Variants in FBXW11 observed in about 807,000 individuals in gnomAD.
FBXW11 encodes F-box and WD repeat domain containing 11, also known as F-box/WD repeat-containing protein 11.
In FBXW11, 19 loss-of-function variants were observed where a neutral mutation model predicts 77.6. The ratio of observed to expected loss-of-function variants is 0.24; its 90% confidence interval spans 0.17 to 0.36. FBXW11 has a LOEUF of 0.36. Ranked by LOEUF, FBXW11 falls within the 10% of genes least tolerant of loss-of-function variation. The pLI is 1.00. For missense variants in FBXW11, 334 were observed against 704.2 expected, an observed-to-expected ratio of 0.47 and a Z score of 5.95; for synonymous variants, 235 against 249.4, an observed-to-expected ratio of 0.94 and a Z score of 0.54.
intron 1 of FBXW11, among the ~76,000 whole-genome samples, chr5:171,963,889 G>A (rs1487529934): frequency 2.0e-5 from 3 of 152,102 alleles, no homozygotes; most frequent in Non-Finnish European, 4.4e-5. Context: ...CAAAAACCAA[G>A]GATGTTTTTA....
chr5:171,946,207 T>C (rs77382808), intron 2 of FBXW11, among the ~76,000 whole-genome samples: 272 of 152,320 alleles, frequency 1.8e-3, no homozygotes, highest in African/African-American at 5.4e-3. Flanking sequence ...ACATTCAATC[T>C]TGCCAGCCCC....
At chr5:172,001,185 AAAGAAAATCTAACAT>A (rs376316752) in intron 1 of FBXW11, among the ~76,000 whole-genome samples, 47 of 152,374 alleles carry the variant, frequency 3.1e-4, no homozygotes, top group African/African-American at 1.1e-3. Context: ...TGCATGAAAG[AAAGAAAATCTAACAT>A]TAATTTAAAT....
intron 1 of FBXW11, among the ~76,000 whole-genome samples, chr5:171,962,679 A>G (rs1235206154): frequency 6.6e-6 from 1 of 152,188 alleles, no homozygotes; most frequent in Non-Finnish European, 1.5e-5. Flanking sequence ...GAGGTAGGAG[A>G]AAAATGTCCT....
At chr5:171,921,414 G>A (rs866542386) in intron 2 of FBXW11, among the ~76,000 whole-genome samples, 3 of 152,162 alleles carry the variant, frequency 2.0e-5, no homozygotes, top group Admixed American at 2.0e-4. Context: ...TAGTAAATGA[G>A]AGACACAGGA....
chr5:171,996,834 A>T, intron 1 of FBXW11: 2 of 1,175,802 alleles, frequency 1.7e-6, no homozygotes, highest in Non-Finnish European at 2.2e-6. Flanking sequence ...ATTTTTCAAA[A>T]TTTCTTTCAG....
intron 2 of FBXW11, among the ~76,000 whole-genome samples, chr5:171,952,030 G>A (rs1490817138): frequency 3.3e-5 from 5 of 152,122 alleles, no homozygotes; most frequent in African/African-American, 9.7e-5. Flanking sequence ...GCCCCATTAA[G>A]TAGAATAGAT....
chr5:171,941,062 A>G (rs1371389323), intron 2 of FBXW11, among the ~76,000 whole-genome samples: 1 of 152,196 alleles, frequency 6.6e-6, no homozygotes, highest in African/African-American at 2.4e-5. Context: ...TGATGAAAAC[A>G]GGATATTTGT....
chr5:171,983,778 C>T (rs539683430), intron 1 of FBXW11, among the ~76,000 whole-genome samples: 1 of 152,182 alleles, frequency 6.6e-6, no homozygotes, highest in Admixed American at 6.5e-5. Context: ...TATGCCTACC[C>T]CCATTACCCA....
chr5:171,870,875 AC>A lies in FBXW11; in HGVS notation c.1341-18del. ...TCCCAGAGCCTTGAATGAAAAACAG[AC>A]CTCTGTGAAACAAATTCCCACACAC... On this transcript the variant is annotated intron_variant, in intron 10 of 13. Coordinates refer to ENST00000517395, the MANE Select transcript of FBXW11 (RefSeq NM_001378974.1). 6.4e-7 allele frequency: 1 copy of A among 1,573,296 alleles called. No homozygotes were observed. Among genetic ancestry groups the A allele is most frequent in the Non-Finnish European group, 8.7e-7 (1 of 1,143,642 alleles).
intron 2 of FBXW11, among the ~76,000 whole-genome samples, chr5:171,936,655 T>C (rs1434630506): frequency 1.3e-5 from 2 of 151,792 alleles, no homozygotes; most frequent in Non-Finnish European, 2.9e-5. Context: ...CAGAGAGACA[T>C]GGATATAAAT....
At chr5:171,932,420 T>C (rs559373033) in intron 2 of FBXW11, among the ~76,000 whole-genome samples, 3 of 152,282 alleles carry the variant, frequency 2.0e-5, no homozygotes, top group East Asian at 3.9e-4. Flanking sequence ...TGTGGAGCTA[T>C]AGGAACTCTC....
rs1214460387 is a variant in FBXW11 at position 171,862,157 on chromosome 5, A to C, written c.*1970T>G. On this transcript the variant is annotated 3_prime_UTR_variant, in exon 14 of 14. Coordinates refer to ENST00000517395, the MANE Select transcript of FBXW11 (RefSeq NM_001378974.1). ...CCCTTCCCCCTGGGCTTTCCTAACC[A>C]GTTTGATATTGAAGCTGTAGGATGA... 1 of 152,446 alleles carries C rather than the reference A, an allele frequency of 6.6e-6. No individual in the cohort carries two copies. The highest frequency in any genetic ancestry group is 1.5e-5 in the Non-Finnish European group (1 of 68,030). 9.4% of individuals were successfully genotyped at this position (152,446 alleles called of 1,614,324 possible). A position where few individuals can be genotyped will look rare whatever the true frequency, so the allele number is the denominator to read the frequency against.
intron 2 of FBXW11, among the ~76,000 whole-genome samples, chr5:171,924,047 C>A (rs1035089596): frequency 4.0e-5 from 6 of 150,090 alleles, no homozygotes; most frequent in Non-Finnish European, 5.9e-5. Context: ...GCCTCAGCCT[C>A]CCGAGTAGCT....
At chr5:172,005,266 A>C (rs1285801292) in intron 1 of FBXW11, among the ~76,000 whole-genome samples, 2 of 152,170 alleles carry the variant, frequency 1.3e-5, no homozygotes, top group African/African-American at 4.8e-5. Flanking sequence ...CTCTCCTCTC[A>C]ACCCTGGGGA....
At chr5:171,914,469 T>A in intron 2 of FBXW11, 64 bp from the exon 3 acceptor site, 1 of 1,406,466 alleles carries the variant, frequency 7.1e-7, no homozygotes, top group Admixed American at 2.8e-5. Flanking sequence ...ATAACTACAA[T>A]AAATAATTTT....
intron 7 of FBXW11, among the ~76,000 whole-genome samples, chr5:171,879,078 A>G (rs1021191640): frequency 6.6e-6 from 1 of 152,216 alleles, no homozygotes; most frequent in Non-Finnish European, 1.5e-5. Context: ...TAGAAAAGGA[A>G]GAAAGGATTA....
chr5:171,936,625 GAAAC>G (rs1353400176), intron 2 of FBXW11, among the ~76,000 whole-genome samples: 4 of 151,144 alleles, frequency 2.6e-5, no homozygotes, highest in Admixed American at 6.6e-5. Context: ...ATCATGAACA[GAAAC>G]AAACTAAAAG....
At chr5:171,888,819 A>G (rs145022701) in intron 7 of FBXW11, among the ~76,000 whole-genome samples, 1 of 152,356 alleles carries the variant, frequency 6.6e-6, no homozygotes, top group African/African-American at 2.4e-5. Flanking sequence ...CTTGAGGTAA[A>G]TAAAAAAGAG....
At chr5:171,989,857 T>C (rs151093630) in intron 1 of FBXW11, among the ~76,000 whole-genome samples, 21 of 152,358 alleles carry the variant, frequency 1.4e-4, no homozygotes, top group South Asian at 2.1e-4. Flanking sequence ...TTTTCTTAGA[T>C]GTGAAAACAG....
Sources: allele counts gnomAD v4.1 joint callset (sites outside exome capture counted in the v4.1 genomes callset), GRCh38; gene constraint gnomAD v4.1.1; transcripts MANE v1.5; gene names NCBI Gene and HGNC (gene_info 2026-07-23, HGNC 2026-07-21).